Variants in RGS6 observed in about 807,000 individuals in gnomAD.
RGS6 encodes regulator of G-protein signaling 6.
Under a neutral mutation model 78.5 loss-of-function variants are expected in RGS6, and 30 were observed. That is an observed-to-expected ratio of 0.38 (90% CI 0.29 to 0.52). The LOEUF (loss-of-function observed/expected upper bound fraction) is 0.52. Among genes scored for constraint, RGS6 ranks in the 20% least tolerant of loss-of-function variants. The pLI, the probability that RGS6 is intolerant of heterozygous loss-of-function variation, is 0.85. For missense variants in RGS6, 495 were observed against 609.7 expected, an observed-to-expected ratio of 0.81 and a Z score of 1.98; for synonymous variants, 206 against 206.0, an observed-to-expected ratio of 1.00 and a Z score of 0.00.
At chr14:71,950,566 A>G (rs2092190601) in intron 1 of RGS6, among the ~76,000 whole-genome samples, 1 of 152,216 alleles carries the variant, frequency 6.6e-6, no homozygotes, top group Admixed American at 6.5e-5. Flanking sequence ...GCAAAAATTG[A>G]GAAATGAGAT....
At position 72,540,479 on chromosome 14, in the gene RGS6, C is replaced by T. The variant is rs2097309714; in HGVS notation, c.1422+385C>T. On this transcript the variant is annotated intron_variant, in intron 17 of 17. Transcript: ENST00000553525. ...ACCGTGAAATAAATTGGCTCAGAAC[C>T]ATAGCTCATCGAAAAAAAAAAAAAA... 2.0e-6 allele frequency: 3 copies of T among 1,534,020 alleles called. No homozygotes were observed. In the East Asian group the frequency reaches 7.2e-5, roughly 37 times the overall value.
At chr14:72,317,615 C>A (rs2070680528) in intron 2 of RGS6, among the ~76,000 whole-genome samples, 2 of 152,094 alleles carry the variant, frequency 1.3e-5, no homozygotes, top group African/African-American at 4.8e-5. Flanking sequence ...TTCCCTCCAG[C>A]CTCCTGTGTT....
the RGS6 span, among the ~76,000 whole-genome samples, chr14:71,900,697 C>T: frequency 6.6e-6 from 1 of 152,078 alleles, no homozygotes; most frequent in African/African-American, 2.4e-5. Flanking sequence ...AGAACTGTGC[C>T]TTATTAGATG....
At chr14:72,615,273 A>G in the RGS6 span, among the ~76,000 whole-genome samples, 1 of 152,136 alleles carries the variant, frequency 6.6e-6, no homozygotes, top group Non-Finnish European at 1.5e-5. Context: ...AGACCCAAAG[A>G]GGAGACTATA....
At chr14:72,052,983 TTCTCTCTCTCTC>T (rs372866325) in intron 2 of RGS6, among the ~76,000 whole-genome samples, 892 of 85,558 alleles carry the variant, frequency 0.01, 13 homozygotes, top group South Asian at 0.014. Flanking sequence ...CTTTCTTTCT[TTCTCTCTCTCTC>T]TCTCTCTCTC....
chr14:72,561,337 A>G (rs17117590), intron 17 of RGS6, among the ~76,000 whole-genome samples: 3,706 of 152,268 alleles, frequency 0.024, 117 homozygotes, highest in East Asian at 0.11. Context: ...TGCCCTTCAC[A>G]GATGGCGGTG....
intron 2 of RGS6, among the ~76,000 whole-genome samples, chr14:72,217,696 G>C (rs1019293515): frequency 6.6e-6 from 1 of 152,068 alleles, no homozygotes; most frequent in Admixed American, 6.5e-5. Context: ...CAACAATACT[G>C]GTGAGCATGA....
intron 2 of RGS6, among the ~76,000 whole-genome samples, chr14:72,104,124 C>T (rs2095582710): frequency 6.6e-6 from 1 of 151,854 alleles, no homozygotes; most frequent in Non-Finnish European, 1.5e-5. Flanking sequence ...CTTTTCAGGC[C>T]CTGGAAATGC....
chr14:71,979,499 T>G (rs148623304), intron 2 of RGS6, among the ~76,000 whole-genome samples: 67,154 of 151,604 alleles, frequency 0.44, 15,314 homozygotes, highest in East Asian at 0.55. Flanking sequence ...ACATCTTTAT[T>G]TCTGCCTTCA....
chr14:72,160,614 T>C (rs2096839501), intron 2 of RGS6, among the ~76,000 whole-genome samples: 1 of 152,154 alleles, frequency 6.6e-6, no homozygotes, highest in Non-Finnish European at 1.5e-5. Context: ...AAAGTGAAAA[T>C]GAGGCCTTTG....
upstream of RGS6, among the ~76,000 whole-genome samples, chr14:71,928,357 G>C (rs947765290): frequency 8.5e-5 from 13 of 152,144 alleles, no homozygotes; most frequent in African/African-American, 3.1e-4. Context: ...AGAGTCTTTA[G>C]CTCTCAGAAA....
At chr14:72,105,954 A>G (rs1308411260) in intron 2 of RGS6, among the ~76,000 whole-genome samples, 3 of 152,186 alleles carry the variant, frequency 2.0e-5, no homozygotes, top group Non-Finnish European at 2.9e-5. Flanking sequence ...TCAATAAACC[A>G]TTGTAAGACG....
At chr14:72,570,749 G>A (rs1455440493), downstream of RGS6, among the ~76,000 whole-genome samples, 1 of 152,244 alleles carries the variant, frequency 6.6e-6, no homozygotes, top group Non-Finnish European at 1.5e-5. Flanking sequence ...AACTGGAGGA[G>A]ATGACCCAGG....
At chr14:71,968,154 C>T (rs1298414264) in intron 2 of RGS6, among the ~76,000 whole-genome samples, 2 of 152,134 alleles carry the variant, frequency 1.3e-5, no homozygotes, top group East Asian at 3.9e-4. Context: ...TCCTTAGGAT[C>T]CTGAGTTACT....
At chr14:72,328,942 G>A (rs2074382715) in intron 2 of RGS6, among the ~76,000 whole-genome samples, 1 of 152,134 alleles carries the variant, frequency 6.6e-6, no homozygotes, top group Admixed American at 6.5e-5. Context: ...CACGATCTTG[G>A]CTCACTGCAA....
intron 2 of RGS6, among the ~76,000 whole-genome samples, chr14:72,147,764 A>G (rs1746866101): frequency 6.6e-6 from 1 of 152,228 alleles, no homozygotes. Flanking sequence ...GGCAAGGAAG[A>G]GTACAGGTGG....
At chr14:72,322,767 A>C (rs2072453500) in intron 2 of RGS6, among the ~76,000 whole-genome samples, 2 of 152,112 alleles carry the variant, frequency 1.3e-5, no homozygotes, top group African/African-American at 4.8e-5. Context: ...TTAATTCATA[A>C]AATATTGTCA....
intron 2 of RGS6, among the ~76,000 whole-genome samples, chr14:72,084,710 A>C (rs969355418): frequency 6.6e-6 from 1 of 151,882 alleles, no homozygotes; most frequent in African/African-American, 2.4e-5. Flanking sequence ...TCAGGCCTGC[A>C]TATGTCTGGT....
intron 12 of RGS6, among the ~76,000 whole-genome samples, chr14:72,492,080 C>A (rs758236861): frequency 1.6e-4 from 24 of 152,154 alleles, no homozygotes; most frequent in Non-Finnish European, 3.4e-4. Context: ...AACTGTGGGG[C>A]CTGTAGGGAT....
Sources: allele counts gnomAD v4.1 joint callset (sites outside exome capture counted in the v4.1 genomes callset), GRCh38; gene constraint gnomAD v4.1.1; transcripts MANE v1.5; gene names NCBI Gene and HGNC (gene_info 2026-07-23, HGNC 2026-07-21).